Variants in NUP85 observed in about 807,000 individuals in gnomAD.
NUP85 encodes nucleoporin 85, also known as nuclear pore complex protein Nup85.
A neutral mutation model predicts 92.8 loss-of-function variants in NUP85; 23 were observed. That is an observed-to-expected ratio of 0.25 (90% confidence interval 0.18 to 0.35). The LOEUF (loss-of-function observed/expected upper bound fraction) is 0.35. Among genes scored for constraint, NUP85 ranks in the 10% least tolerant of loss-of-function variants. The pLI is 1.00. For synonymous variants in NUP85, 314 were observed against 306.9 expected, an observed-to-expected ratio of 1.02 and a Z score of -0.24; for missense variants, 759 against 822.8, an observed-to-expected ratio of 0.92 and a Z score of 0.95.
chr17:75,210,041 G>A, intron 3 of NUP85, 56 bp downstream of exon 3: 2 of 1,520,586 alleles, frequency 1.3e-6, no homozygotes, highest in Non-Finnish European at 1.8e-6. Flanking sequence ...AAAGCCAAAT[G>A]AAGTACATTG....
rs935848147 is a variant in NUP85, at chr17:75,212,143, T to C, written c.361+81T>C. On this transcript the variant is annotated intron_variant, in intron 4 of 18. Coordinates refer to ENST00000245544, the MANE Select transcript of NUP85 (RefSeq NM_024844.5). ...TGAGTATTTATCTATGCATAAATAC[T>C]GTGAGGTAAAGTTTGATTGATATTC... The C allele has an allele frequency of 1.1e-5, 11 of 959,260 alleles. No individual in the cohort carries two copies. In the East Asian group the frequency reaches 2.6e-4, roughly 22 times the overall value. 59.4% of individuals were successfully genotyped at this position (959,260 alleles called of 1,614,324 possible).
At chr17:75,206,143 G>A in intron 1 of NUP85, among the ~76,000 whole-genome samples, 1 of 152,132 alleles carries the variant, frequency 6.6e-6, no homozygotes, top group Non-Finnish European at 1.5e-5. Flanking sequence ...GCCGTATTAA[G>A]CTCTGCATCG....
At chr17:75,229,568 G>C (rs1009414981) in intron 11 of NUP85, among the ~76,000 whole-genome samples, 2 of 152,130 alleles carry the variant, frequency 1.3e-5, no homozygotes, top group African/African-American at 4.8e-5. Flanking sequence ...TTCAGAGTGA[G>C]AGAGAGACAG....
At chr17:75,211,237 A>G (rs891616093) in intron 3 of NUP85, among the ~76,000 whole-genome samples, 25 of 150,972 alleles carry the variant, frequency 1.7e-4, no homozygotes, top group African/African-American at 6.1e-4. Context: ...TCCTGACCTC[A>G]AGTGATCTGC....
intron 7 of NUP85, 37 bp from the exon 8 acceptor site, chr17:75,225,066 C>G (rs1402597814): frequency 1.3e-6 from 2 of 1,513,768 alleles, no homozygotes; most frequent in East Asian, 4.6e-5. Flanking sequence ...AGGGCCAGGC[C>G]TCCTGCCAAT....
chr17:75,224,202 C>T (rs540362713), intron 7 of NUP85, among the ~76,000 whole-genome samples: 1 of 152,022 alleles, frequency 6.6e-6, no homozygotes, highest in Non-Finnish European at 1.5e-5. Context: ...CCTGCCACCA[C>T]GCCTGGCTAA....
In NUP85 at chr17:75,208,274, A is replaced by G. The variant is rs1262413126; in HGVS notation, c.34-253A>G. 7.8e-6 allele frequency: 3 copies of G among 383,138 alleles called. No homozygotes were observed. The African/African-American group carries it at 7.9e-5, about 10-fold the overall frequency. The allele number at this position is 383,138 out of a possible 1,614,324, so 23.7% of individuals were successfully genotyped here. ...AATATGGTGAAACTCTATCTCTACTAAAAATGAAAAAAAAAAAAAAAATAG... is the reference window on the plus strand; with the variant it reads ...AATATGGTGAAACTCTATCTCTACTGAAAATGAAAAAAAAAAAAAAAATAG... On this transcript the variant is annotated intron_variant, in intron 1 of 18. Coordinates refer to ENST00000245544, the MANE Select transcript of NUP85 (RefSeq NM_024844.5).
chr17:75,210,147 T>C (rs548795353), intron 3 of NUP85, among the ~76,000 whole-genome samples, 162 bp downstream of exon 3: 11 of 152,308 alleles, frequency 7.2e-5, no homozygotes, highest in African/African-American at 2.2e-4. Flanking sequence ...TTAGCAGTGA[T>C]GGGAAGACTT....
chr17:75,234,594 TGGG>T (rs771304601), intron 16 of NUP85, 40 bp from the exon 17 acceptor site: 1 of 1,605,802 alleles, frequency 6.2e-7, no homozygotes, highest in South Asian at 1.1e-5. Flanking sequence ...TTGGGCAATT[TGGG>T]GGAATATGCA....
At chr17:75,220,562 G>T (rs1433369005) in intron 7 of NUP85, among the ~76,000 whole-genome samples, 1 of 151,672 alleles carries the variant, frequency 6.6e-6, no homozygotes, top group Non-Finnish European at 1.5e-5. Context: ...ACAGACATGT[G>T]TTACCACCAC....
At chr17:75,206,457 T>C (rs2145255749) in intron 1 of NUP85, among the ~76,000 whole-genome samples, 1 of 151,896 alleles carries the variant, frequency 6.6e-6, no homozygotes, top group Middle Eastern at 3.4e-3. Flanking sequence ...AAAGCACAGG[T>C]CACAGGAGGA....
intron 11 of NUP85, 93 bp downstream of exon 11, chr17:75,226,250 T>G: frequency 1.1e-6 from 1 of 939,692 alleles, no homozygotes. Context: ...TTCCTTACCC[T>G]TCTTCCCTCA....
rs574863493 is a variant in NUP85, at chr17:75,207,558, C to T, written c.34-969C>T. ...GCAGTGGCGTGATCTCAGCTCACTGCAACCTCTGGCTCCTGGGTTCAAGCG... is the reference window on the plus strand; with the variant it reads ...GCAGTGGCGTGATCTCAGCTCACTGTAACCTCTGGCTCCTGGGTTCAAGCG... On this transcript the variant is annotated intron_variant, in intron 1 of 18. Transcript: ENST00000245544. Among the ~76,000 whole-genome samples the T allele has an allele frequency of 5.3e-5, 8 of 152,008 alleles. No homozygotes were observed. The South Asian group carries it at 1.7e-3, about 32-fold the overall frequency.
chr17:75,215,734 T>C lies in NUP85; in HGVS notation c.406-20T>C, dbSNP rs766264994. On this transcript the variant is annotated intron_variant, in intron 5 of 18. Transcript: ENST00000245544. Reference sequence around the variant, plus strand: ...CTCAGGAATCATTTCAGGTGAAACCTGTCCCCATTTCTTCCTTAGGTCTCC... The same window carrying C: ...CTCAGGAATCATTTCAGGTGAAACCCGTCCCCATTTCTTCCTTAGGTCTCC... 1 of 1,611,694 alleles carries C rather than the reference T, an allele frequency of 6.2e-7. No individual in the cohort carries two copies. The highest frequency in any genetic ancestry group is 1.1e-5 in the South Asian group (1 of 91,020).
chr17:75,229,217 G>A (rs940693670), intron 11 of NUP85: 50 of 956,648 alleles, frequency 5.2e-5, no homozygotes, highest in Non-Finnish European at 6.0e-5. Flanking sequence ...TTTTGGCCCA[G>A]CCCACAATCT....
At chr17:75,226,767 C>T (rs1039805122) in intron 11 of NUP85, 7 of 449,992 alleles carry the variant, frequency 1.6e-5, no homozygotes, top group East Asian at 7.1e-5. Flanking sequence ...AAAATAACAT[C>T]GCGGGAAACT....
chr17:75,232,863 G>GT lies in NUP85; in HGVS notation c.1410dup (p.Lys471Ter). 6.2e-7 allele frequency: 1 copy of GT among 1,614,148 alleles called. No homozygotes were observed. The highest frequency in any genetic ancestry group is 8.5e-7 in the Non-Finnish European group (1 of 1,179,990). On this transcript the variant is annotated frameshift_variant, in exon 15 of 19. Transcript: ENST00000245544. LOFTEE classifies it high-confidence loss of function. ...TTCCCCTGCAAAGTTCGCAGCATTT[G>GT]TAAGATCTTAGCCATGAAAGCCGTC...
At chr17:75,213,724 C>A (rs901907738) in intron 5 of NUP85, among the ~76,000 whole-genome samples, 10 of 149,386 alleles carry the variant, frequency 6.7e-5, no homozygotes, top group Non-Finnish European at 1.5e-4. Context: ...TTGAACTCAA[C>A]ATTTTTTTTT....
At chr17:75,220,422 CT>C (rs551735621) in intron 7 of NUP85, among the ~76,000 whole-genome samples, 585 of 140,622 alleles carry the variant, frequency 4.2e-3, no homozygotes, top group Admixed American at 4.4e-3. Context: ...CATGCCTGGC[CT>C]TTTTTTTTTT....
Sources: gnomAD v4.1 joint callset for allele counts (sites outside exome capture counted in the v4.1 genomes callset) on GRCh38, gnomAD v4.1.1 for gene constraint, MANE v1.5 for transcripts, NCBI Gene and HGNC (gene_info 2026-07-23, HGNC 2026-07-21) for gene names.